Variants in HTT observed in about 807,000 individuals in gnomAD.
The protein encoded by HTT is huntington disease protein.
Under a neutral mutation model 362.3 loss-of-function variants are expected in HTT, and 104 were observed. That is an observed-to-expected ratio of 0.29 (90% confidence interval 0.24 to 0.34). The LOEUF is 0.34. Ranked by LOEUF, HTT falls within the 10% of genes least tolerant of loss-of-function variation. The pLI is 1.00. For missense variants in HTT, 3,301 were observed against 3,928.6 expected, an observed-to-expected ratio of 0.84 and a Z score of 4.27; for synonymous variants, 1,577 against 1,548.7, an observed-to-expected ratio of 1.02 and a Z score of -0.43.
chr4:3,132,928 G>T lies in HTT; in HGVS notation c.2493+17G>T, dbSNP rs768346912. On this transcript the variant is annotated intron_variant, in intron 18 of 66. Coordinates refer to ENST00000355072, the MANE Select transcript of HTT (RefSeq NM_001388492.1). ...GCTGTGAGGGTGAGCATAATCTTCT[G>T]TGGAACCATTTCTTCACTTAGTGGA... The T allele has an allele frequency of 8.4e-6, 13 of 1,548,626 alleles. No individual in the cohort carries two copies. Among genetic ancestry groups the T allele is most frequent in the African/African-American group, 1.4e-5 (1 of 73,590 alleles).
chr4:3,097,907 G>A (rs1560545930), intron 2 of HTT, among the ~76,000 whole-genome samples: 2 of 152,142 alleles, frequency 1.3e-5, no homozygotes, highest in Admixed American at 6.6e-5. Context: ...TCTAATCACA[G>A]GTAAAGGTTT....
At chr4:3,109,589 T>C (rs1295107561) in intron 6 of HTT, among the ~76,000 whole-genome samples, 1 of 152,242 alleles carries the variant, frequency 6.6e-6, no homozygotes, top group Non-Finnish European at 1.5e-5. Flanking sequence ...GACATTTTTT[T>C]ACTTTCACTA....
chr4:3,157,207 C>T lies in HTT; in HGVS notation c.3753+8C>T. On this transcript the variant is annotated splice_region_variant and intron_variant, in intron 28 of 66. Transcript: ENST00000355072. ...ACACACGCTAACTACAAGGTATGGG[C>T]CTCTGCATCTTTTAAAAATATATAT... is the stretch of plus-strand genomic sequence containing the variant. 1.2e-6 allele frequency: 2 copies of T among 1,606,036 alleles called. No homozygotes were observed. The highest frequency in any genetic ancestry group is 1.7e-6 in the Non-Finnish European group (2 of 1,177,472).
intron 26 of HTT, among the ~76,000 whole-genome samples, chr4:3,151,356 G>C (rs1316268706): frequency 6.6e-6 from 1 of 151,928 alleles, no homozygotes; most frequent in African/African-American, 2.4e-5. Flanking sequence ...GAGAAGGAGA[G>C]AGAGAGAGAG....
intron 26 of HTT, among the ~76,000 whole-genome samples, chr4:3,153,262 C>T (rs1361600042): frequency 6.6e-6 from 1 of 152,080 alleles, no homozygotes; most frequent in Non-Finnish European, 1.5e-5. Context: ...AGTCACCTCC[C>T]AAAGGCCCCA....
intron 24 of HTT, 90 bp downstream of exon 24, chr4:3,145,318 AGTCTT>A: frequency 3.1e-6 from 3 of 969,704 alleles, no homozygotes; most frequent in Non-Finnish European, 4.9e-6. Context: ...TTTCTTTTTA[AGTCTT>A]TTATCAATTT....
chr4:3,112,204 C>G (rs927174523), intron 6 of HTT, among the ~76,000 whole-genome samples: 2 of 152,176 alleles, frequency 1.3e-5, no homozygotes, highest in African/African-American at 4.8e-5. Flanking sequence ...TTAGAAATCT[C>G]CCACCCTCTG....
rs561465219 is a variant in HTT, at chr4:3,235,312, G to A, written c.8485G>A (p.Val2829Ile). The A allele has an allele frequency of 9.9e-6, 16 of 1,613,828 alleles. No individual in the cohort carries two copies. The East Asian group carries it at 1.3e-4, about 13-fold the overall frequency. ...CGTGAACATTCACAGCCAGCAGCACGTACTGGTCATGTGTGCCACTGCGTT... is the reference window on the plus strand; with the variant it reads ...CGTGAACATTCACAGCCAGCAGCACATACTGGTCATGTGTGCCACTGCGTT... The part of the protein sequence containing the change: ...HCVNIHSQQH[V>I]LVMCATAFYL... Residue 2829 changes from valine to isoleucine, a missense_variant, in exon 62 of 67, where the codon GTA becomes ATA. Val to Ile is a conservative substitution (Grantham distance 29, BLOSUM62 3). Transcript: ENST00000355072.
chr4:3,170,748 G>C (rs1037773634), intron 29 of HTT, among the ~76,000 whole-genome samples: 3 of 152,164 alleles, frequency 2.0e-5, no homozygotes, highest in Admixed American at 6.5e-5. Context: ...TTAGTCTCTC[G>C]TCTCCCAGGG....
rs762423797 is a variant in HTT at position 3,187,927 on chromosome 4, T to TAAAA, written c.5225+41_5225+42insAAAA. 4.8e-6 allele frequency: 6 copies of TAAAA among 1,246,882 alleles called. No homozygotes were observed. The African/African-American group carries it at 9.1e-5, about 19-fold the overall frequency. The allele number at this position is 1,246,882 out of a possible 1,614,324, so 77.2% of individuals were successfully genotyped here. On this transcript the variant is annotated intron_variant, in intron 39 of 66. Coordinates refer to ENST00000355072, the MANE Select transcript of HTT (RefSeq NM_001388492.1). ...GAGCCTATAACTAACCCATGCCTTT[T>TAAAA]GGGAAGTCACGTGATGTTTCACAGT...
chr4:3,236,879 G>A (rs894916730), intron 64 of HTT, among the ~76,000 whole-genome samples: 1 of 152,028 alleles, frequency 6.6e-6, no homozygotes, highest in Non-Finnish European at 1.5e-5. Context: ...TTGCTCTCAG[G>A]CCTCAGTCCT....
rs1041916786 is a variant in HTT at position 3,121,597 on chromosome 4, T to C, written c.1273+165T>C. On this transcript the variant is annotated intron_variant, in intron 9 of 66. Coordinates refer to ENST00000355072, the MANE Select transcript of HTT (RefSeq NM_001388492.1). ...TATTTTATAAATAGGGGAGTTGGGC[T>C]GGGTGTGGTGGCTCACGCCTGTAAT... is the stretch of plus-strand genomic sequence containing the variant. 7 of 553,686 alleles carry C rather than the reference T, an allele frequency of 1.3e-5. No individual in the cohort carries two copies. The African/African-American group carries it at 1.3e-4, about 11-fold the overall frequency. 34.3% of individuals were successfully genotyped at this position (553,686 alleles called of 1,614,324 possible). A position where few individuals can be genotyped will look rare whatever the true frequency, so the allele number is the denominator to read the frequency against.
chr4:3,169,864 G>A (rs572452682), intron 29 of HTT, among the ~76,000 whole-genome samples: 5 of 152,334 alleles, frequency 3.3e-5, no homozygotes, highest in Admixed American at 6.5e-5. Flanking sequence ...ATGAGCCACC[G>A]TGTCTGGCCC....
At chr4:3,179,492 C>T (rs980228337) in intron 35 of HTT, among the ~76,000 whole-genome samples, 4 of 151,964 alleles carry the variant, frequency 2.6e-5, no homozygotes, top group Non-Finnish European at 4.4e-5. Context: ...GTCTCAGGGC[C>T]GGAGAGAGTA....
chr4:3,160,266 C>G lies in HTT; in HGVS notation c.3754-16C>G. 6.6e-7 allele frequency: 1 copy of G among 1,504,612 alleles called. No homozygotes were observed. Among genetic ancestry groups the G allele is most frequent in the Non-Finnish European group, 9.1e-7 (1 of 1,103,842 alleles). 93.2% of individuals were successfully genotyped at this position (1,504,612 alleles called of 1,614,324 possible). ...CAGGGCCAGTAACCGTGTGTTCTCT[C>G]CTTCACCTTCCCAAGGTCACGCTGG... On this transcript the variant is annotated splice_polypyrimidine_tract_variant and intron_variant, in intron 28 of 66. Coordinates refer to ENST00000355072, the MANE Select transcript of HTT (RefSeq NM_001388492.1).
intron 34 of HTT, among the ~76,000 whole-genome samples, chr4:3,177,771 G>T (rs184364288): frequency 2.0e-5 from 3 of 152,204 alleles, no homozygotes; most frequent in Non-Finnish European, 4.4e-5. Context: ...GCTTTTTCTT[G>T]CTAGATGTTG....
At chr4:3,093,740 C>A (rs528965807) in intron 2 of HTT, among the ~76,000 whole-genome samples, 1 of 151,802 alleles carries the variant, frequency 6.6e-6, no homozygotes, top group Admixed American at 6.6e-5. Context: ...AGGTGCTGGC[C>A]TTGAAAATTG....
chr4:3,136,849 T>C (rs1427394948), intron 21 of HTT, among the ~76,000 whole-genome samples: 1 of 152,136 alleles, frequency 6.6e-6, no homozygotes, highest in Non-Finnish European at 1.5e-5. Context: ...TTATTATACA[T>C]AAATGTTTGT....
At chr4:3,077,398 A>G (rs1464949706) in intron 1 of HTT, among the ~76,000 whole-genome samples, 1 of 152,082 alleles carries the variant, frequency 6.6e-6, no homozygotes, top group Non-Finnish European at 1.5e-5. Flanking sequence ...TGCTCTAAAA[A>G]CAAAAGTAGT....
Sources: allele counts gnomAD v4.1 joint callset (sites outside exome capture counted in the v4.1 genomes callset), GRCh38; gene constraint gnomAD v4.1.1; transcripts MANE v1.5; gene names NCBI Gene and HGNC (gene_info 2026-07-23, HGNC 2026-07-21).